The following ORC2 variants were observed in gnomAD, a reference collection of about 807,000 sequenced individuals.
The protein encoded by ORC2 is origin recognition complex subunit 2.
ORC2 carries 37 observed loss-of-function variants against 77.7 expected under a neutral mutation model. The ratio of observed to expected loss-of-function variants is 0.48; its 90% confidence interval spans 0.37 to 0.63. ORC2 has a LOEUF of 0.63. Ranked by LOEUF, ORC2 falls within the 20% of genes least tolerant of loss-of-function variation. ORC2 has a pLI of 0.00. For synonymous variants in ORC2, 201 were observed against 229.5 expected (o/e 0.88, Z 1.12); for missense variants, 557 against 661.9 (o/e 0.84, Z 1.74).
chr2:200,931,348 A>G lies in ORC2; in HGVS notation c.908T>C (p.Leu303Pro). ...QYEKLFHKWM[L>P]QLHLGFNIVL... ...TAATGATAATACTTACTGTAATTGCAGCATCCATTTATGAAATAATTTTTC... is the reference window on the plus strand; with the variant it reads ...TAATGATAATACTTACTGTAATTGCGGCATCCATTTATGAAATAATTTTTC... Residue 303 changes from leucine to proline, a missense_variant, in exon 11 of 18, where the codon CTG becomes CCG. Coordinates refer to ENST00000234296, the MANE Select transcript of ORC2 (RefSeq NM_006190.5). 1 of 1,352,918 alleles carries G rather than the reference A, an allele frequency of 7.4e-7. No homozygotes were observed. The highest frequency in any genetic ancestry group is 1.0e-6 in the Non-Finnish European group (1 of 985,738). The allele number at this position is 1,352,918 out of a possible 1,614,324, so 83.8% of individuals were successfully genotyped here. A position where few individuals can be genotyped will look rare whatever the true frequency, so the allele number is the denominator to read the frequency against.
Position 200,957,636 on chromosome 2 carries a change from A to G in ORC2, c.95-92T>C, listed in dbSNP as rs147020066. Reference sequence around the variant, plus strand: ...AAGAAATTATAATATTTATATTGTCATTACTTAAAAGCTGGGAAAAAAGCT... The same window carrying G: ...AAGAAATTATAATATTTATATTGTCGTTACTTAAAAGCTGGGAAAAAAGCT... On this transcript the variant is annotated intron_variant, in intron 3 of 17. Transcript: ENST00000234296. 25 of 967,248 alleles carry G rather than the reference A, an allele frequency of 2.6e-5. No individual in the cohort carries two copies. In the African/African-American group the frequency reaches 2.9e-4, roughly 11 times the overall value. The allele number at this position is 967,248 out of a possible 1,614,324, so 59.9% of individuals were successfully genotyped here.
intron 5 of ORC2, among the ~76,000 whole-genome samples, chr2:200,946,004 T>C (rs1365359343): frequency 6.6e-6 from 1 of 152,192 alleles, no homozygotes; most frequent in Admixed American, 6.5e-5. Context: ...CTTTCTTCTC[T>C]ACCTGGTACT....
Position 200,932,310 on chromosome 2 carries a change from TC to T in ORC2, c.808-863del, listed in dbSNP as rs2040957099. ...TGAGTGTGAACACTAGAATGTTATCTCATGTATGTACTTTCATTTCAAACTT... is the reference window on the plus strand; with the variant it reads ...TGAGTGTGAACACTAGAATGTTATCTATGTATGTACTTTCATTTCAAACTT... On this transcript the variant is annotated intron_variant, in intron 10 of 17. Coordinates refer to ENST00000234296, the MANE Select transcript of ORC2 (RefSeq NM_006190.5). Among the ~76,000 whole-genome samples, 5 of 151,520 alleles carry T rather than the reference TC, an allele frequency of 3.3e-5. No homozygotes were observed. In the South Asian group the frequency reaches 1.0e-3, roughly 32 times the overall value.
At chr2:200,928,599 G>A (rs542601572) in intron 11 of ORC2, among the ~76,000 whole-genome samples, 31 of 152,042 alleles carry the variant, frequency 2.0e-4, no homozygotes, top group Non-Finnish European at 3.8e-4. Context: ...GGATCACGAG[G>A]TCAGGAGATC....
In ORC2 at chr2:200,911,167, C is replaced by A. The variant is rs1559001050; in HGVS notation, c.*134G>T. 2 of 624,866 alleles carry A rather than the reference C, an allele frequency of 3.2e-6. No individual in the cohort carries two copies. Among genetic ancestry groups the A allele is most frequent in the Non-Finnish European group, 5.8e-6 (2 of 346,614 alleles). 38.7% of individuals were successfully genotyped at this position (624,866 alleles called of 1,614,324 possible). On this transcript the variant is annotated 3_prime_UTR_variant, in exon 18 of 18. Transcript: ENST00000234296. ...TCAAAAAGTTCTAATTGAGGACATC[C>A]CCCCCTTCCCAAATTTAAATCTTGT...
intron 13 of ORC2, among the ~76,000 whole-genome samples, chr2:200,923,238 A>AT (rs1448235631): frequency 6.6e-6 from 1 of 152,040 alleles, no homozygotes; most frequent in African/African-American, 2.4e-5. Context: ...TTTAAAGGCA[A>AT]TTTTATTTTT....
chr2:200,920,116 C>T (rs557118843), intron 15 of ORC2, 106 bp downstream of exon 15: 2 of 767,426 alleles, frequency 2.6e-6, no homozygotes, highest in East Asian at 5.4e-5. Flanking sequence ...TATAATTTCA[C>T]TTAATCCTTC....
intron 4 of ORC2, among the ~76,000 whole-genome samples, chr2:200,953,796 T>C (rs983078717): frequency 3.3e-5 from 5 of 152,170 alleles, no homozygotes; most frequent in African/African-American, 1.2e-4. Flanking sequence ...CCATACACTT[T>C]AAAAATGGTT....
intron 5 of ORC2, among the ~76,000 whole-genome samples, chr2:200,943,414 A>C (rs2041189856): frequency 6.6e-6 from 1 of 151,982 alleles, no homozygotes; most frequent in Non-Finnish European, 1.5e-5. Context: ...AATCACTTAT[A>C]ATAGAGGCCA....
chr2:200,926,789 A>C lies in ORC2; in HGVS notation c.1029T>G (p.Phe343Leu). 1 of 1,614,016 alleles carries C rather than the reference A, an allele frequency of 6.2e-7. No individual in the cohort carries two copies. The highest frequency in any genetic ancestry group is 8.5e-7 in the Non-Finnish European group (1 of 1,179,940). ...DSIHVVINGF[F>L]PGISVKSVLN... is the part of the protein sequence containing the mutation. ...TTACTGATTTCACACTGATTCCAGG[A>C]AAGAAGCCATTGATGACAACGTGAA... is the stretch of plus-strand genomic sequence containing the variant. The change falls in exon 12 of 18, where the codon TTT becomes TTG. Residue 343 changes from phenylalanine to leucine, a missense_variant. Transcript: ENST00000234296.
intron 7 of ORC2, 113 bp downstream of exon 7, chr2:200,941,135 T>A (rs1399660182): frequency 1.3e-6 from 1 of 767,468 alleles, no homozygotes; most frequent in East Asian, 2.8e-5. Context: ...TATCTGTAAA[T>A]TACAAAGCAC....
At chr2:200,957,275 C>G in intron 4 of ORC2, 126 bp downstream of exon 4, 2 of 630,616 alleles carry the variant, frequency 3.2e-6, no homozygotes, top group South Asian at 3.5e-5. Context: ...GAAGCAAATG[C>G]TTTTTAGATG....
At chr2:200,918,949 C>T (rs2040709591) in intron 15 of ORC2, among the ~76,000 whole-genome samples, 1 of 149,972 alleles carries the variant, frequency 6.7e-6, no homozygotes, top group Non-Finnish European at 1.5e-5. Context: ...CGGCTCCCTT[C>T]AGCCTCCTCA....
At position 200,957,254 on chromosome 2, in the gene ORC2, A is replaced by C. The variant is rs2041483459; in HGVS notation, c.238+147T>G. The C allele has an allele frequency of 5.4e-6, 3 of 558,700 alleles. No homozygotes were observed. In the Admixed American group the frequency reaches 9.6e-5, roughly 18 times the overall value. 34.6% of individuals were successfully genotyped at this position (558,700 alleles called of 1,614,324 possible). A position where few individuals can be genotyped will look rare whatever the true frequency, so the allele number is the denominator to read the frequency against. On this transcript the variant is annotated intron_variant, in intron 4 of 17. Coordinates refer to ENST00000234296, the MANE Select transcript of ORC2 (RefSeq NM_006190.5). The stretch of plus-strand genomic sequence containing the variant: ...GGACTGGTTGTTAAAAAAAAGAACT[A>C]TGGAGAAATTGAAGCAAATGCTTTT...
intron 2 of ORC2, 90 bp from the exon 3 acceptor site, chr2:200,958,223 T>A: frequency 1.4e-6 from 1 of 707,762 alleles, no homozygotes. Context: ...CATGTCTTTA[T>A]CTAATATTTT....
intron 13 of ORC2, 139 bp from the exon 14 acceptor site, chr2:200,921,278 G>T: frequency 2.2e-6 from 1 of 447,692 alleles, no homozygotes; most frequent in Non-Finnish European, 3.8e-6. Flanking sequence ...TCCCACCTCA[G>T]CCTCTCGATT....
intron 10 of ORC2, among the ~76,000 whole-genome samples, chr2:200,932,660 T>C (rs1224621035): frequency 4.6e-5 from 7 of 152,122 alleles, no homozygotes; most frequent in African/African-American, 1.7e-4. Flanking sequence ...TTAATTAATA[T>C]TCATGGAAAA....
intron 13 of ORC2, 53 bp from the exon 14 acceptor site, chr2:200,921,192 C>T (rs2040753147): frequency 8.0e-7 from 1 of 1,249,812 alleles, no homozygotes; most frequent in Non-Finnish European, 1.1e-6. Flanking sequence ...GAGGGTCTCA[C>T]TCTGTTGCCT....
chr2:200,961,179 T>A (rs1409397915), intron 1 of ORC2, among the ~76,000 whole-genome samples: 1 of 151,862 alleles, frequency 6.6e-6, no homozygotes, highest in Non-Finnish European at 1.5e-5. Flanking sequence ...GGGTTTTTTG[T>A]TTTTGTGGGG....
Sources: gnomAD v4.1 joint callset for allele counts (sites outside exome capture counted in the v4.1 genomes callset) on GRCh38, gnomAD v4.1.1 for gene constraint, MANE v1.5 for transcripts, NCBI Gene and HGNC (gene_info 2026-07-23, HGNC 2026-07-21) for gene names.